CTNNA2: variants seen among roughly 807,000 people sequenced by gnomAD.
CTNNA2 encodes the protein catenin alpha-2.
A neutral mutation model predicts 101.0 loss-of-function variants in CTNNA2; 42 were observed. The ratio of observed to expected loss-of-function variants is 0.42; its 90% CI spans 0.32 to 0.54. The LOEUF is 0.54. Ranked by LOEUF, CTNNA2 falls within the 20% of genes least tolerant of loss-of-function variation. CTNNA2 has a pLI of 0.14. For synonymous variants in CTNNA2, 450 were observed against 456.4 expected, an observed-to-expected ratio of 0.99 and a Z score of 0.18; for missense variants, 871 against 1,223.1, an observed-to-expected ratio of 0.71 and a Z score of 4.29.
chr2:79,785,737 T>C (rs1355944446), intron 3 of CTNNA2, among the ~76,000 whole-genome samples: 1 of 152,162 alleles, frequency 6.6e-6, no homozygotes, highest in East Asian at 1.9e-4. Context: ...CTAGCTGGAC[T>C]TTAGTGAATA....
chr2:79,664,625 A>G lies in CTNNA2; in HGVS notation c.102+12967A>G, dbSNP rs530791213. On this transcript the variant is annotated intron_variant, in intron 2 of 18. Coordinates refer to ENST00000402739, the MANE Select transcript of CTNNA2 (RefSeq NM_001282597.3). ...TATGCAATATTTGAAACATACTTAT[A>G]CTAAAATAAATTGTTATTGTAGTTT... Among the ~76,000 whole-genome samples the G allele has an allele frequency of 2.1e-4, 32 of 152,102 alleles. No homozygotes were observed. In the South Asian group the frequency reaches 3.7e-3, roughly 18 times the overall value.
intron 3 of CTNNA2, among the ~76,000 whole-genome samples, chr2:79,783,497 A>G (rs192370419): frequency 6.6e-6 from 1 of 152,084 alleles, no homozygotes; most frequent in African/African-American, 2.4e-5. Context: ...TTTATTCTTT[A>G]TACTTGGAAA....
chr2:79,255,809 C>T (rs1018335938), intron 2 of CTNNA2, among the ~76,000 whole-genome samples: 1 of 152,084 alleles, frequency 6.6e-6, no homozygotes, highest in African/African-American at 2.4e-5. Context: ...CAATTGATAA[C>T]GTTCACATAA....
intron 3 of CTNNA2, among the ~76,000 whole-genome samples, chr2:79,814,566 T>C (rs563330999): frequency 6.6e-6 from 1 of 152,012 alleles, no homozygotes; most frequent in South Asian, 2.1e-4. Context: ...ATTAATTCAT[T>C]CCTTTTCATG....
intron 4 of CTNNA2, among the ~76,000 whole-genome samples, chr2:79,376,030 C>T (rs1677969347): frequency 6.6e-6 from 1 of 152,270 alleles, no homozygotes; most frequent in South Asian, 2.1e-4. Context: ...AAAATGAAAG[C>T]ATGCCCAGAG....
At chr2:80,129,228 T>C (rs1014917584) in intron 7 of CTNNA2, among the ~76,000 whole-genome samples, 1 of 152,172 alleles carries the variant, frequency 6.6e-6, no homozygotes, top group African/African-American at 2.4e-5. Flanking sequence ...TGAATTGCAG[T>C]CCTGGCTGTC....
chr2:80,052,581 A>G (rs1307733200), intron 7 of CTNNA2, among the ~76,000 whole-genome samples: 3 of 152,230 alleles, frequency 2.0e-5, no homozygotes, highest in African/African-American at 4.8e-5. Context: ...TGAAATTGGT[A>G]TAGTGTGTTG....
At chr2:80,150,645 G>T (rs1392643028) in intron 7 of CTNNA2, among the ~76,000 whole-genome samples, 2 of 152,126 alleles carry the variant, frequency 1.3e-5, no homozygotes, top group Admixed American at 1.3e-4. Context: ...GGGACCATTT[G>T]GGGAGAAAAA....
At chr2:80,149,023 ATTTTTT>A (rs34431691) in intron 7 of CTNNA2, among the ~76,000 whole-genome samples, 1 of 124,820 alleles carries the variant, frequency 8.0e-6, no homozygotes, top group African/African-American at 3.0e-5. Flanking sequence ...TTATTTTGTT[ATTTTTT>A]TTTTTTTTTT....
At chr2:79,733,214 A>G (rs963085938) in intron 2 of CTNNA2, among the ~76,000 whole-genome samples, 3 of 152,138 alleles carry the variant, frequency 2.0e-5, no homozygotes, top group Non-Finnish European at 4.4e-5. Context: ...TTTGCAAGTC[A>G]TAATTGCTTA....
At chr2:79,296,268 A>T (rs1675977848) in intron 2 of CTNNA2, among the ~76,000 whole-genome samples, 1 of 152,190 alleles carries the variant, frequency 6.6e-6, no homozygotes. Flanking sequence ...ATGCCAAATT[A>T]TCTAACTCTT....
At chr2:80,250,204 A>AGTGTGTGT (rs56664173) in intron 7 of CTNNA2, among the ~76,000 whole-genome samples, 12 of 96,500 alleles carry the variant, frequency 1.2e-4, no homozygotes, top group African/African-American at 3.2e-4. Context: ...AGAGAGAGAG[A>AGTGTGTGT]GTGTGTGTGT....
chr2:79,669,623 C>T (rs893643868), intron 2 of CTNNA2, among the ~76,000 whole-genome samples: 5 of 152,186 alleles, frequency 3.3e-5, no homozygotes, highest in African/African-American at 9.7e-5. Context: ...CTGCTGACTG[C>T]AGGCAAGTCA....
intron 2 of CTNNA2, among the ~76,000 whole-genome samples, chr2:79,656,476 A>G (rs1681620660): frequency 6.6e-6 from 1 of 152,164 alleles, no homozygotes. Flanking sequence ...AATGAAAAAC[A>G]GAAGTTATGG....
rs1047937152 is a variant in CTNNA2 at position 80,571,458 on chromosome 2, C to G, written c.1742-2705C>G. On this transcript the variant is annotated intron_variant, in intron 12 of 18. Transcript: ENST00000402739. ...TGAATTATGAAAAGATTCAAAGATACAAAAAGAACAAAGACTAATAAAACA... is the reference window on the plus strand; with the variant it reads ...TGAATTATGAAAAGATTCAAAGATAGAAAAAGAACAAAGACTAATAAAACA... Among the ~76,000 whole-genome samples the G allele has an allele frequency of 2.6e-5, 4 of 152,152 alleles. No homozygotes were observed. The South Asian group carries it at 8.3e-4, about 32-fold the overall frequency.
upstream of CTNNA2, among the ~76,000 whole-genome samples, chr2:79,511,788 A>C (rs2103824189): frequency 6.6e-6 from 1 of 152,000 alleles, no homozygotes; most frequent in East Asian, 1.9e-4. Context: ...AAAAGGGGGG[A>C]GGGAAAAATA....
intron 7 of CTNNA2, among the ~76,000 whole-genome samples, chr2:80,000,071 C>T (rs1692835804): frequency 6.6e-6 from 1 of 152,098 alleles, no homozygotes; most frequent in South Asian, 2.1e-4. Context: ...TAGTTATTTA[C>T]AGATGAAGAA....
At chr2:80,097,766 T>C (rs1407261037) in intron 7 of CTNNA2, among the ~76,000 whole-genome samples, 1 of 152,226 alleles carries the variant, frequency 6.6e-6, no homozygotes, top group African/African-American at 2.4e-5. Flanking sequence ...TCGTCTTCCA[T>C]CGCTGATACC....
At chr2:79,343,377 G>T (rs1019207506) in intron 3 of CTNNA2, among the ~76,000 whole-genome samples, 2 of 152,136 alleles carry the variant, frequency 1.3e-5, no homozygotes, top group African/African-American at 4.8e-5. Flanking sequence ...GGTGTAAAAA[G>T]TATCCATTTT....
Sources: gnomAD v4.1 joint callset for allele counts (sites outside exome capture counted in the v4.1 genomes callset) on GRCh38, gnomAD v4.1.1 for gene constraint, MANE v1.5 for transcripts, NCBI Gene and HGNC (gene_info 2026-07-23, HGNC 2026-07-21) for gene names.